The following NT5E variants were observed in gnomAD, a reference collection of about 807,000 sequenced individuals.
The protein encoded by NT5E is 5'-nucleotidase ecto.
Under a neutral mutation model 55.1 loss-of-function variants are expected in NT5E, and 53 were observed. The observed-to-expected ratio is 0.96, with a 90% CI of 0.77 to 1.21. The LOEUF (loss-of-function observed/expected upper bound fraction) is 1.21. Ranked by LOEUF, NT5E falls within the 50% of genes most tolerant of loss-of-function variation. NT5E has a pLI of 0.00. For synonymous variants in NT5E, 270 were observed against 278.4 expected, an observed-to-expected ratio of 0.97 and a Z score of 0.30; for missense variants, 683 against 724.3, an observed-to-expected ratio of 0.94 and a Z score of 0.65.
At position 85,490,509 on chromosome 6, in the gene NT5E, C is replaced by T. The variant is rs779509218; in HGVS notation, c.1212C>T (p.Gly404=). Residue 404 remains glycine, a splice_region_variant and synonymous_variant, in exon 7 of 9, where the codon GGC becomes GGT. Transcript: ENST00000257770. ...TGCCTCATCTGTGACTACCCTCAGG[C>T]ACAATTACCTGGGAGAACCTGGCTG... ...IRSPIDERNN[G]TITWENLAAV... 1 of 1,614,210 alleles carries T rather than the reference C, an allele frequency of 6.2e-7. No homozygotes were observed. The highest frequency in any genetic ancestry group is 8.5e-7 in the Non-Finnish European group (1 of 1,180,020).
At chr6:85,493,412 T>C (rs1365512375) in intron 8 of NT5E, among the ~76,000 whole-genome samples, 1 of 152,106 alleles carries the variant, frequency 6.6e-6, no homozygotes, top group Non-Finnish European at 1.5e-5. Context: ...GCATTTATCC[T>C]CTCCTCTCTT....
At chr6:85,456,749 G>A (rs895669042) in intron 1 of NT5E, among the ~76,000 whole-genome samples, 1 of 152,166 alleles carries the variant, frequency 6.6e-6, no homozygotes, top group Non-Finnish European at 1.5e-5. Flanking sequence ...CCAAATCCAC[G>A]GGAACCAGCT....
At chr6:85,473,635 T>G (rs1395611291) in intron 3 of NT5E, among the ~76,000 whole-genome samples, 1 of 152,196 alleles carries the variant, frequency 6.6e-6, no homozygotes, top group Non-Finnish European at 1.5e-5. Flanking sequence ...GCAAAAGCAC[T>G]TGTATGTGCA....
At chr6:85,464,466 C>T (rs796831417) in intron 1 of NT5E, among the ~76,000 whole-genome samples, 22 of 152,146 alleles carry the variant, frequency 1.4e-4, no homozygotes, top group African/African-American at 4.3e-4. Flanking sequence ...GAGGAGCGGA[C>T]GGAGCCTGGG....
In NT5E at chr6:85,490,635, T is replaced by A; in HGVS notation, c.1338T>A (p.Thr446=). 1 of 1,614,138 alleles carries A rather than the reference T, an allele frequency of 6.2e-7. No individual in the cohort carries two copies. Among genetic ancestry groups the A allele is most frequent in the Non-Finnish European group, 8.5e-7 (1 of 1,180,010 alleles). Residue 446 remains threonine, a synonymous_variant, in exon 7 of 9, where the codon ACT becomes ACA. Coordinates refer to ENST00000257770, the MANE Select transcript of NT5E (RefSeq NM_002526.4). ...GCGTGCACCGCTACGGCCAGTCCAC[T>A]GGAGAGTTCCTGCAGGTGGGCGGTA... is the stretch of plus-strand genomic sequence containing the variant. ...EHSVHRYGQS[T]GEFLQVGGIH... is the part of the protein sequence containing the mutation.
intron 5 of NT5E, 119 bp from the exon 6 acceptor site, chr6:85,489,375 G>A (rs1228017202): frequency 9.6e-6 from 7 of 731,962 alleles, no homozygotes; most frequent in Non-Finnish European, 1.5e-5. Context: ...AGATCCCTGG[G>A]AACACAGCAG....
chr6:85,450,586 G>A lies in NT5E; in HGVS notation c.339+108G>A. On this transcript the variant is annotated intron_variant, in intron 1 of 8. Transcript: ENST00000257770. The surrounding 1 kb of genome is among the most constrained non-coding windows in gnomAD (Gnocchi z 4.0). ...GGCAAGCCTAGGTCCAGGGCGCGGA[G>A]AGATGTGGGGATAAAGTGAGACTCC... 9.9e-7 allele frequency: 1 copy of A among 1,005,750 alleles called. No individual in the cohort carries two copies. Among genetic ancestry groups the A allele is most frequent in the Non-Finnish European group, 1.5e-6 (1 of 660,598 alleles). 62.3% of individuals were successfully genotyped at this position (1,005,750 alleles called of 1,614,324 possible). A position where few individuals can be genotyped will look rare whatever the true frequency, so the allele number is the denominator to read the frequency against.
In NT5E at chr6:85,495,484, T is replaced by C. The variant is rs1769873324; in HGVS notation, c.*1480T>C. 6.6e-6 allele frequency: 1 copy of C among 152,244 alleles called. No homozygotes were observed. 9.4% of individuals were successfully genotyped at this position (152,244 alleles called of 1,614,324 possible). ...TAAGTACTCTTGATACAAAATATAC[T>C]TTTAAACTTCATAACCTTTTTATAA... On this transcript the variant is annotated 3_prime_UTR_variant, in exon 9 of 9. Transcript: ENST00000257770.
chr6:85,475,420 G>A (rs1395666454), intron 3 of NT5E, among the ~76,000 whole-genome samples: 2 of 152,104 alleles, frequency 1.3e-5, no homozygotes, highest in Admixed American at 1.3e-4. Context: ...TCCTTTCCAA[G>A]TACCATGCAT....
rs1769300415 is a variant in NT5E at position 85,471,286 on chromosome 6, A to G, written c.612A>G (p.Val204=). 3.1e-6 allele frequency: 5 copies of G among 1,612,198 alleles called. No individual in the cohort carries two copies. The highest frequency in any genetic ancestry group is 4.2e-6 in the Non-Finnish European group (5 of 1,178,696). ...EDEITALQPE[V]DKLKTLNVNK... ...AAATCACTGCATTACAACCTGAAGTAGATAAGTTAAAAACTCTAAATGTGA... is the reference window on the plus strand; with the variant it reads ...AAATCACTGCATTACAACCTGAAGTGGATAAGTTAAAAACTCTAAATGTGA... The change falls in exon 3 of 9, where the codon GTA becomes GTG. Residue 204 remains valine, a synonymous_variant. Coordinates refer to ENST00000257770, the MANE Select transcript of NT5E (RefSeq NM_002526.4).
rs572212643 is a variant in NT5E, at chr6:85,491,368, G to A, written c.1361-609G>A. 57 of 326,818 alleles carry A rather than the reference G, an allele frequency of 1.7e-4. No homozygotes were observed. The East Asian group carries it at 4.4e-3, about 25-fold the overall frequency. 20.2% of individuals were successfully genotyped at this position (326,818 alleles called of 1,614,324 possible). On this transcript the variant is annotated intron_variant, in intron 7 of 8. Coordinates refer to ENST00000257770, the MANE Select transcript of NT5E (RefSeq NM_002526.4). Reference sequence around the variant, plus strand: ...TTTTTTAACCTTAGGTTGTGGTCCCGCTTGACAGATAGAATTGCTTTCCTG... The same window carrying A: ...TTTTTTAACCTTAGGTTGTGGTCCCACTTGACAGATAGAATTGCTTTCCTG...
At chr6:85,453,823 A>G (rs1052425903) in intron 1 of NT5E, among the ~76,000 whole-genome samples, 5 of 152,186 alleles carry the variant, frequency 3.3e-5, no homozygotes, top group African/African-American at 1.2e-4. Flanking sequence ...TTAGTCAGAT[A>G]GATGGTCCTT....
chr6:85,454,320 G>T (rs1161654011), intron 1 of NT5E, among the ~76,000 whole-genome samples: 4 of 152,154 alleles, frequency 2.6e-5, no homozygotes, highest in African/African-American at 9.7e-5. Context: ...CCCCAAACAG[G>T]ACATGTAAAT....
intron 1 of NT5E, among the ~76,000 whole-genome samples, chr6:85,457,498 A>G (rs1429858554): frequency 1.3e-5 from 2 of 151,844 alleles, no homozygotes; most frequent in Non-Finnish European, 2.9e-5. Context: ...TTGCATGACA[A>G]CTCTCTAATT....
chr6:85,478,574 T>C (rs1769480719), intron 3 of NT5E, among the ~76,000 whole-genome samples: 1 of 152,202 alleles, frequency 6.6e-6, no homozygotes, highest in Admixed American at 6.5e-5. Flanking sequence ...TGTCTGACTT[T>C]GGACAAGTTA....
At chr6:85,487,604 C>A in intron 5 of NT5E, 115 bp downstream of exon 5, 2 of 1,394,110 alleles carry the variant, frequency 1.4e-6, no homozygotes, top group African/African-American at 1.4e-5. Context: ...GATTTCAAAA[C>A]ATTTTTAGCC....
intron 1 of NT5E, among the ~76,000 whole-genome samples, chr6:85,465,022 G>A (rs1047277475): frequency 6.6e-6 from 1 of 152,178 alleles, no homozygotes; most frequent in African/African-American, 2.4e-5. Flanking sequence ...AGATCTAGAC[G>A]TCAGGAGAAA....
At chr6:85,486,629 A>C (rs569820677) in intron 4 of NT5E, among the ~76,000 whole-genome samples, 4 of 152,280 alleles carry the variant, frequency 2.6e-5, no homozygotes, top group African/African-American at 9.6e-5. Context: ...GGCTCTCTGC[A>C]GGGGGAAGCA....
intron 1 of NT5E, among the ~76,000 whole-genome samples, chr6:85,466,567 A>G (rs757861781): frequency 1.3e-5 from 2 of 152,142 alleles, no homozygotes; most frequent in African/African-American, 2.4e-5. Context: ...AATTGTGGCA[A>G]CCTAGGTGAA....
Sources: gnomAD v4.1 joint callset for allele counts (sites outside exome capture counted in the v4.1 genomes callset) on GRCh38, gnomAD v4.1.1 for gene constraint, Gnocchi (gnomAD v3.1) non-coding constraint, MANE v1.5 for transcripts, NCBI Gene and HGNC (gene_info 2026-07-23, HGNC 2026-07-21) for gene names.